GAS2: variants seen among roughly 807,000 people sequenced by gnomAD.
GAS2 encodes growth arrest specific 2.
Under a neutral mutation model 37.5 loss-of-function variants are expected in GAS2, and 20 were observed. That is an observed-to-expected ratio of 0.53 (90% CI 0.37 to 0.77). The LOEUF (loss-of-function observed/expected upper bound fraction) is 0.77. GAS2 is among the 30% of genes least tolerant of loss of function. The pLI, the probability that GAS2 is intolerant of heterozygous loss-of-function variation, is 0.00. For synonymous variants in GAS2, 144 were observed against 132.2 expected (o/e 1.09, Z -0.61); for missense variants, 336 against 373.4 (o/e 0.90, Z 0.82).
At chr11:22,656,782 CATG>C (rs1205125886) in intron 1 of GAS2, among the ~76,000 whole-genome samples, 4 of 151,880 alleles carry the variant, frequency 2.6e-5, no homozygotes, top group Non-Finnish European at 2.9e-5. Flanking sequence ...TAGTGTTTGT[CATG>C]ATGTGTGTGT....
chr11:22,749,580 G>A (rs1370073903), intron 6 of GAS2, among the ~76,000 whole-genome samples: 2 of 151,978 alleles, frequency 1.3e-5, no homozygotes, highest in East Asian at 1.9e-4. Context: ...TTTCACAGAT[G>A]AGAAGTCTGA....
chr11:22,648,996 G>A (rs1403906365), intron 1 of GAS2, among the ~76,000 whole-genome samples: 1 of 152,106 alleles, frequency 6.6e-6, no homozygotes, highest in Non-Finnish European at 1.5e-5. Context: ...TCTTGTGCCA[G>A]TTGTCAAAGG....
intron 5 of GAS2, among the ~76,000 whole-genome samples, chr11:22,748,913 C>T (rs1001314191): frequency 3.3e-5 from 5 of 151,948 alleles, no homozygotes; most frequent in Non-Finnish European, 5.9e-5. Flanking sequence ...TATATGTACA[C>T]GTATGCATAC....
At chr11:22,648,597 C>A (rs1407687528) in intron 1 of GAS2, among the ~76,000 whole-genome samples, 2 of 152,152 alleles carry the variant, frequency 1.3e-5, no homozygotes, top group Non-Finnish European at 2.9e-5. Context: ...TCTTTTATTT[C>A]ATTGAGCAGT....
At chr11:22,746,262 G>C (rs1007290847) in intron 5 of GAS2, among the ~76,000 whole-genome samples, 20 of 152,110 alleles carry the variant, frequency 1.3e-4, no homozygotes, top group African/African-American at 4.8e-4. Context: ...ATACACTGTT[G>C]GTGGGAATGT....
intron 2 of GAS2, among the ~76,000 whole-genome samples, chr11:22,680,192 C>T (rs538634316): frequency 3.9e-5 from 6 of 152,052 alleles, no homozygotes; most frequent in African/African-American, 1.4e-4. Context: ...AATAAAAATT[C>T]CTTAGGACAG....
At chr11:22,767,544 T>C (rs1022005333) in intron 7 of GAS2, among the ~76,000 whole-genome samples, 2 of 138,946 alleles carry the variant, frequency 1.4e-5, no homozygotes, top group Non-Finnish European at 3.3e-5. Flanking sequence ...TATACTGATA[T>C]GTGAATGATT....
chr11:22,702,134 G>A (rs1055504228), intron 3 of GAS2: 3 of 151,966 alleles, frequency 2.0e-5, no homozygotes, highest in African/African-American at 7.3e-5. Context: ...TTTTTAAGTG[G>A]GTGTAAACTG....
At chr11:22,659,304 T>C (rs1226682124) in intron 1 of GAS2, among the ~76,000 whole-genome samples, 1 of 152,200 alleles carries the variant, frequency 6.6e-6, no homozygotes, top group Non-Finnish European at 1.5e-5. Context: ...TTTGTTTGAC[T>C]CAATTCCTAG....
intron 7 of GAS2, among the ~76,000 whole-genome samples, chr11:22,768,490 C>T (rs1274937995): frequency 6.6e-6 from 1 of 152,178 alleles, no homozygotes; most frequent in African/African-American, 2.4e-5. Flanking sequence ...GCCCTTCAAA[C>T]ACTCTTGCCA....
chr11:22,756,580 A>T (rs953348313), intron 7 of GAS2, among the ~76,000 whole-genome samples: 8 of 152,204 alleles, frequency 5.3e-5, no homozygotes, highest in Non-Finnish European at 8.8e-5. Context: ...GCCCTTGTAA[A>T]GTTTTCTTAA....
chr11:22,658,210 G>C lies in GAS2; in HGVS notation c.-20-16640G>C, dbSNP rs150287560. Among the ~76,000 whole-genome samples the C allele has an allele frequency of 1.4e-4, 21 of 152,070 alleles. 1 individual carries two copies. The East Asian group carries it at 4.1e-3, about 29-fold the overall frequency. On this transcript the variant is annotated intron_variant, in intron 1 of 5. Coordinates refer to the GAS2 transcript ENST00000528582. ...TCAGCTAATTTTTAAAATATTTTTA[G>C]TAGAGGTGGTGTTTCACCATGTTGG...
chr11:22,658,075 G>C (rs940397174), intron 1 of GAS2, among the ~76,000 whole-genome samples: 14 of 151,304 alleles, frequency 9.3e-5, no homozygotes, highest in Non-Finnish European at 1.6e-4. Context: ...ACCCAGCCTG[G>C]AGTGCAGTGA....
chr11:22,664,440 T>C (rs1848952209), upstream of GAS2, among the ~76,000 whole-genome samples: 1 of 152,148 alleles, frequency 6.6e-6, no homozygotes. Context: ...GGGACACACA[T>C]AGTAATGCAG....
intron 2 of GAS2, among the ~76,000 whole-genome samples, chr11:22,676,932 G>T (rs1014786186): frequency 5.3e-5 from 8 of 152,056 alleles, no homozygotes; most frequent in Non-Finnish European, 1.2e-4. Flanking sequence ...ATTGTTGGGG[G>T]TTTGAATGAG....
At chr11:22,717,524 C>G (rs1851740309) in intron 3 of GAS2, among the ~76,000 whole-genome samples, 1 of 151,986 alleles carries the variant, frequency 6.6e-6, no homozygotes, top group Admixed American at 6.6e-5. Flanking sequence ...TGTAAAAATT[C>G]TGGAAGAAAA....
At chr11:22,718,375 G>A (rs1175022291) in intron 3 of GAS2, among the ~76,000 whole-genome samples, 1 of 152,014 alleles carries the variant, frequency 6.6e-6, no homozygotes, top group East Asian at 1.9e-4. Flanking sequence ...AACCTGAATA[G>A]AGTTCGAGAC....
At chr11:22,645,609 C>T (rs1036403518) in intron 1 of GAS2, among the ~76,000 whole-genome samples, 16 of 151,716 alleles carry the variant, frequency 1.1e-4, no homozygotes, top group Non-Finnish European at 2.4e-4. Flanking sequence ...TTTCAGAGAG[C>T]TGTTGTTCTA....
chr11:22,791,608 T>C (rs1564891000), intron 7 of GAS2, among the ~76,000 whole-genome samples: 1 of 152,208 alleles, frequency 6.6e-6, no homozygotes, highest in Non-Finnish European at 1.5e-5. Flanking sequence ...ACTGGCTAGA[T>C]ACTAGGGAGA....
Sources: gnomAD v4.1 joint callset for allele counts (sites outside exome capture counted in the v4.1 genomes callset) on GRCh38, gnomAD v4.1.1 for gene constraint, MANE v1.5 for transcripts, NCBI Gene and HGNC (gene_info 2026-07-23, HGNC 2026-07-21) for gene names.